The following POU6F2 variants were observed in gnomAD, a reference collection of about 807,000 sequenced individuals.
The protein encoded by POU6F2 is POU class 6 homeobox 2.
In POU6F2, 31 loss-of-function variants were observed where a neutral mutation model predicts 71.3. The ratio of observed to expected loss-of-function variants is 0.43; its 90% CI spans 0.33 to 0.59. The LOEUF is 0.59. Among genes scored for constraint, POU6F2 ranks in the 20% least tolerant of loss-of-function variants. The pLI is 0.04. For synonymous variants in POU6F2, 347 were observed against 355.7 expected (o/e 0.98, Z 0.27); for missense variants, 783 against 856.8 (o/e 0.91, Z 1.07).
intron 7 of POU6F2, among the ~76,000 whole-genome samples, chr7:39,447,742 G>A (rs769563188): frequency 6.6e-6 from 1 of 152,080 alleles, no homozygotes. Context: ...TTTTTCTTCT[G>A]CTTCTAATTA....
intron 4 of POU6F2, among the ~76,000 whole-genome samples, chr7:39,303,575 T>G (rs6951119): frequency 0.68 from 103,769 of 152,094 alleles, 35,464 homozygotes; most frequent in Admixed American, 0.77. Context: ...TCTGTTGGAA[T>G]ATTAAAAAGA....
intron 5 of POU6F2, among the ~76,000 whole-genome samples, chr7:39,378,759 A>C (rs771204555): frequency 3.3e-5 from 5 of 152,216 alleles, no homozygotes; most frequent in African/African-American, 4.8e-5. Context: ...AGGAACACCA[A>C]TGTGAAATCC....
chr7:39,227,995 C>T (rs996289875), intron 4 of POU6F2, among the ~76,000 whole-genome samples: 6 of 152,096 alleles, frequency 3.9e-5, no homozygotes, highest in East Asian at 1.9e-4. Context: ...GGAGAGAGGA[C>T]GGGGTTGGTG....
chr7:39,026,949 G>A (rs1789819920), intron 1 of POU6F2, among the ~76,000 whole-genome samples: 1 of 152,000 alleles, frequency 6.6e-6, no homozygotes, highest in Non-Finnish European at 1.5e-5. Flanking sequence ...CAGAAGTCAA[G>A]TGTCTCCTCT....
intron 8 of POU6F2, among the ~76,000 whole-genome samples, chr7:39,452,278 C>T (rs1006702119): frequency 2.6e-5 from 4 of 152,160 alleles, no homozygotes; most frequent in African/African-American, 9.7e-5. Flanking sequence ...GCCTGCAAGT[C>T]TGCCTCCCTA....
intron 2 of POU6F2, among the ~76,000 whole-genome samples, chr7:39,174,258 C>G (rs1317081996): frequency 6.6e-6 from 1 of 152,220 alleles, no homozygotes; most frequent in East Asian, 1.9e-4. Context: ...TGCTGACCAA[C>G]AGGCAGGCTG....
chr7:39,031,013 G>A (rs1584508807), intron 1 of POU6F2, among the ~76,000 whole-genome samples: 1 of 152,112 alleles, frequency 6.6e-6, no homozygotes, highest in East Asian at 1.9e-4. Context: ...CGATTCTCCT[G>A]CCTCAGCCTC....
At chr7:39,439,245 C>T (rs543465697) in intron 7 of POU6F2, among the ~76,000 whole-genome samples, 9 of 151,874 alleles carry the variant, frequency 5.9e-5, no homozygotes, top group Admixed American at 5.2e-4. Context: ...TTTGAGCCTA[C>T]GTGTGTCTTT....
intron 2 of POU6F2, among the ~76,000 whole-genome samples, chr7:39,155,803 ATC>A (rs1396884546): frequency 6.6e-6 from 1 of 152,196 alleles, no homozygotes; most frequent in East Asian, 1.9e-4. Context: ...TTTAAAGTTT[ATC>A]TGTTATTTTA....
chr7:39,275,630 C>T (rs1324040525), intron 4 of POU6F2, among the ~76,000 whole-genome samples: 2 of 152,184 alleles, frequency 1.3e-5, no homozygotes, highest in African/African-American at 2.4e-5. Context: ...CTGGAGGCAT[C>T]GTGCTACCTG....
chr7:39,349,922 C>T (rs1432336026), intron 5 of POU6F2, among the ~76,000 whole-genome samples: 1 of 152,194 alleles, frequency 6.6e-6, no homozygotes, highest in African/African-American at 2.4e-5. Context: ...TGGCTGTCTC[C>T]TGGATAGGGC....
Position 39,397,814 on chromosome 7 carries a change from G to GTATATATATATATATATATATA in POU6F2, c.973-8766_973-8765insTATATATATATATATATATATA, listed in dbSNP as rs150006644. Among the ~76,000 whole-genome samples, 1,130 of 128,212 alleles carry GTATATATATATATATATATATA rather than the reference G, an allele frequency of 8.8e-3. 34 individuals are homozygous for GTATATATATATATATATATATA. Among genetic ancestry groups the GTATATATATATATATATATATA allele is most frequent in the African/African-American group, 0.027 (822 of 30,498 alleles). 84.1% of individuals were successfully genotyped at this position (128,212 alleles called of 152,430 possible). ...ATAATATGTATTTTATATATTTTGT[G>GTATATATATATATATATATATA]TATATATATATATATATATAGTAGA... is the stretch of plus-strand genomic sequence containing the variant. On this transcript the variant is annotated intron_variant, in intron 5 of 9. Coordinates refer to ENST00000518318, the MANE Select transcript of POU6F2 (RefSeq NM_001370959.1).
intron 1 of POU6F2, among the ~76,000 whole-genome samples, chr7:39,052,419 A>G (rs901366347): frequency 3.3e-5 from 5 of 152,162 alleles, no homozygotes; most frequent in African/African-American, 1.2e-4. Context: ...CAGGAAGCTT[A>G]TGATCATGGC....
intron 4 of POU6F2, among the ~76,000 whole-genome samples, chr7:39,246,522 C>G (rs1394618411): frequency 6.6e-6 from 1 of 152,108 alleles, no homozygotes; most frequent in African/African-American, 2.4e-5. Flanking sequence ...GGTGTCAACC[C>G]CAGCCCTCCT....
chr7:39,299,510 A>G (rs73130485), intron 4 of POU6F2, among the ~76,000 whole-genome samples: 21,331 of 152,208 alleles, frequency 0.14, 1,945 homozygotes, highest in East Asian at 0.35. Flanking sequence ...AAGTGTGTCA[A>G]TTTCACAGCA....
intron 9 of POU6F2, among the ~76,000 whole-genome samples, chr7:39,461,594 C>T (rs539629970): frequency 4.5e-4 from 68 of 152,246 alleles, no homozygotes; most frequent in Non-Finnish European, 8.5e-4. Flanking sequence ...TTTATCTGCT[C>T]TTTATACTTT....
chr7:39,009,430 A>G (rs529066077), intron 1 of POU6F2, among the ~76,000 whole-genome samples: 29 of 152,222 alleles, frequency 1.9e-4, no homozygotes, highest in African/African-American at 6.0e-4. Flanking sequence ...GGGCTGAGAC[A>G]ATGGGGTTTT....
chr7:39,006,677 G>A lies in POU6F2; in HGVS notation c.105+28619G>A, dbSNP rs1562665322. ...TTTAGTGTTCTGTCTGCCAAGTCCT[G>A]TAAAAAGCATGTGTGTCATTTCAGC... On this transcript the variant is annotated intron_variant, in intron 1 of 9. Coordinates refer to ENST00000518318, the MANE Select transcript of POU6F2 (RefSeq NM_001370959.1). 6.1e-6 allele frequency: 4 copies of A among 655,796 alleles called. No individual in the cohort carries two copies. The East Asian group carries it at 1.1e-4, about 18-fold the overall frequency. 40.6% of individuals were successfully genotyped at this position (655,796 alleles called of 1,614,324 possible). A position where few individuals can be genotyped will look rare whatever the true frequency, so the allele number is the denominator to read the frequency against.
chr7:39,464,557 A>G lies in POU6F2; in HGVS notation c.2034A>G (p.Glu678=), dbSNP rs774089526. 8 of 1,613,004 alleles carry G rather than the reference A, an allele frequency of 5.0e-6. 1 individual carries two copies. The highest frequency in any genetic ancestry group is 1.1e-5 in the South Asian group (1 of 90,798). ...EIAEKLNYDR[E]VVRVWFCNKR... ...CTGAGAAGCTGAACTATGACCGAGA[A>G]GTAGTTAGAGTTTGGTTCTGCAATA... The change falls in exon 10 of 10, where the codon GAA becomes GAG. Residue 678 remains glutamate, a synonymous_variant. Transcript: ENST00000518318. The surrounding 1 kb of genome is among the most constrained non-coding windows in gnomAD (Gnocchi z 4.1).
Sources: allele counts gnomAD v4.1 joint callset (sites outside exome capture counted in the v4.1 genomes callset), GRCh38; gene constraint gnomAD v4.1.1; non-coding constraint Gnocchi (gnomAD v3.1); transcripts MANE v1.5; gene names NCBI Gene and HGNC (gene_info 2026-07-23, HGNC 2026-07-21).